FGF14: variants seen among roughly 807,000 people sequenced by gnomAD.
The protein encoded by FGF14 is fibroblast growth factor 14.
FGF14 carries 5 observed loss-of-function variants against 25.5 expected under a neutral mutation model. The ratio of observed to expected loss-of-function variants is 0.20; its 90% CI spans 0.10 to 0.41. The LOEUF (loss-of-function observed/expected upper bound fraction) is 0.41, where lower values mean the gene tolerates loss of function less well. Ranked by LOEUF, FGF14 falls within the 10% of genes least tolerant of loss-of-function variation. The probability of loss-of-function intolerance (pLI) is 1.00; values close to 1 mark genes in which losing one functional copy is unlikely to be tolerated. For synonymous variants in FGF14, 138 were observed against 118.3 expected, an observed-to-expected ratio of 1.17 and a Z score of -1.08; for missense variants, 222 against 320.1, an observed-to-expected ratio of 0.69 and a Z score of 2.34.
intron 1 of FGF14, among the ~76,000 whole-genome samples, chr13:102,201,032 G>A (rs2049606898): frequency 6.9e-6 from 1 of 144,366 alleles, no homozygotes; most frequent in South Asian, 2.2e-4. Context: ...AACCCGGGAG[G>A]CGGAGCTTGC....
chr13:102,006,213 G>C (rs2039775435), intron 1 of FGF14, among the ~76,000 whole-genome samples: 1 of 152,150 alleles, frequency 6.6e-6, no homozygotes, highest in African/African-American at 2.4e-5. Context: ...CATTATATTT[G>C]CAACTTCATG....
intron 3 of FGF14, among the ~76,000 whole-genome samples, chr13:101,807,588 T>C (rs569518180): frequency 6.6e-6 from 1 of 152,184 alleles, no homozygotes; most frequent in South Asian, 2.1e-4. Flanking sequence ...ATTTTATAAT[T>C]TGGAAAGAAT....
At chr13:102,047,803 C>T (rs555592260) in intron 1 of FGF14, among the ~76,000 whole-genome samples, 8 of 152,026 alleles carry the variant, frequency 5.3e-5, no homozygotes, top group Non-Finnish European at 1.2e-4. Flanking sequence ...ATGTTGTGCA[C>T]ATGTACCCTA....
intron 3 of FGF14, among the ~76,000 whole-genome samples, chr13:101,780,643 A>C (rs895577354): frequency 6.6e-6 from 1 of 152,072 alleles, no homozygotes; most frequent in Non-Finnish European, 1.5e-5. Context: ...GGGGTGGTGC[A>C]CTTGACATGT....
At chr13:101,986,613 A>C (rs1308872419) in intron 1 of FGF14, among the ~76,000 whole-genome samples, 1 of 152,140 alleles carries the variant, frequency 6.6e-6, no homozygotes, top group East Asian at 1.9e-4. Context: ...TAAGAACCTT[A>C]AAAATGAGGC....
chr13:101,785,929 T>C (rs993592854), intron 3 of FGF14, among the ~76,000 whole-genome samples: 4 of 152,226 alleles, frequency 2.6e-5, no homozygotes, highest in Non-Finnish European at 5.9e-5. Context: ...CCAAGTTTCA[T>C]TGTCACCTGC....
intron 1 of FGF14, among the ~76,000 whole-genome samples, chr13:102,282,789 T>A (rs1040629058): frequency 6.6e-6 from 1 of 151,492 alleles, no homozygotes; most frequent in African/African-American, 2.4e-5. Context: ...CTATTTTCAC[T>A]CATATTCCAT....
chr13:102,291,474 A>C (rs2054391641), intron 1 of FGF14, among the ~76,000 whole-genome samples: 1 of 152,170 alleles, frequency 6.6e-6, no homozygotes, highest in Admixed American at 6.5e-5. Flanking sequence ...AGCTTAAAGG[A>C]GTGTATTCCT....
At position 102,400,888 on chromosome 13, in the gene FGF14, G is replaced by A. The variant is rs1392310128; in HGVS notation, c.208+583C>T. On this transcript the variant is annotated intron_variant, in intron 1 of 4. Transcript: ENST00000376131. This position sits in a 1 kb window ranked among gnomAD's most constrained non-coding sequence, Gnocchi z 4.3. ...ATTCCCGGTGGCAGGATGTGTCAGAGGCAGACAGGGGGAATGAGTTAATGC... is the reference window on the plus strand; with the variant it reads ...ATTCCCGGTGGCAGGATGTGTCAGAAGCAGACAGGGGGAATGAGTTAATGC... Among the ~76,000 whole-genome samples the A allele has an allele frequency of 3.3e-5, 5 of 152,242 alleles. No individual in the cohort carries two copies. Among genetic ancestry groups the A allele is most frequent in the Middle Eastern group, 3.4e-3 (1 of 294 alleles).
intron 1 of FGF14, among the ~76,000 whole-genome samples, chr13:101,893,340 C>T (rs1231616428): frequency 2.0e-5 from 3 of 152,146 alleles, no homozygotes; most frequent in Non-Finnish European, 4.4e-5. Flanking sequence ...ATTCTGCAGC[C>T]AAGTGCTGCT....
intron 3 of FGF14, among the ~76,000 whole-genome samples, chr13:101,782,690 C>A (rs1566894846): frequency 3.9e-5 from 6 of 152,158 alleles, no homozygotes; most frequent in Admixed American, 3.3e-4. Context: ...GCCTCCAGCT[C>A]CATCCATGTT....
intron 3 of FGF14, among the ~76,000 whole-genome samples, chr13:101,751,656 A>G (rs989863643): frequency 2.0e-5 from 3 of 152,140 alleles, no homozygotes; most frequent in African/African-American, 7.2e-5. Context: ...CTGTTTAAGG[A>G]AAGTATGGTT....
chr13:101,901,592 T>C (rs183466999), intron 1 of FGF14, among the ~76,000 whole-genome samples: 17 of 152,254 alleles, frequency 1.1e-4, no homozygotes, highest in African/African-American at 4.1e-4. Context: ...TAACCCCAGC[T>C]GCACAGGAGG....
At chr13:101,778,222 T>C (rs2039259631) in intron 3 of FGF14, among the ~76,000 whole-genome samples, 2 of 152,196 alleles carry the variant, frequency 1.3e-5, no homozygotes, top group Non-Finnish European at 2.9e-5. Context: ...CTCAATACAG[T>C]TCAATTCTGT....
chr13:102,021,216 T>C (rs965099804), intron 1 of FGF14, among the ~76,000 whole-genome samples: 3 of 151,980 alleles, frequency 2.0e-5, no homozygotes, highest in African/African-American at 7.2e-5. Flanking sequence ...GCCAAAGTCT[T>C]GGATAAAGGA....
chr13:102,312,348 A>G (rs189210846), intron 1 of FGF14, among the ~76,000 whole-genome samples: 3 of 152,060 alleles, frequency 2.0e-5, no homozygotes, highest in Admixed American at 6.5e-5. Flanking sequence ...CAAAAATACT[A>G]TTTTCAAGGA....
intron 1 of FGF14, among the ~76,000 whole-genome samples, chr13:101,916,161 G>A (rs2033458676): frequency 6.6e-6 from 1 of 152,228 alleles, no homozygotes; most frequent in Non-Finnish European, 1.5e-5. Context: ...CCGGGAAGCC[G>A]AGACTCAGGG....
intron 1 of FGF14, among the ~76,000 whole-genome samples, chr13:102,379,128 T>C (rs1453550640): frequency 6.6e-6 from 1 of 152,148 alleles, no homozygotes; most frequent in Non-Finnish European, 1.5e-5. Context: ...CACTGTATTA[T>C]TTAACATTAT....
At chr13:102,037,778 G>T (rs2041546813) in intron 1 of FGF14, among the ~76,000 whole-genome samples, 1 of 152,120 alleles carries the variant, frequency 6.6e-6, no homozygotes, top group Admixed American at 6.6e-5. Flanking sequence ...GTATCCAAGT[G>T]GATTGAGCCT....
Sources: gnomAD v4.1 joint callset for allele counts (sites outside exome capture counted in the v4.1 genomes callset) on GRCh38, gnomAD v4.1.1 for gene constraint, Gnocchi (gnomAD v3.1) non-coding constraint, MANE v1.5 for transcripts, NCBI Gene and HGNC (gene_info 2026-07-23, HGNC 2026-07-21) for gene names.